Variants in CCDC47 observed in about 807,000 individuals in gnomAD.
CCDC47 encodes the protein coiled-coil domain containing 47.
In CCDC47, 41 loss-of-function variants were observed where a neutral mutation model predicts 60.5. The observed-to-expected ratio is 0.68, with a 90% CI of 0.53 to 0.88. CCDC47 has a LOEUF of 0.88. CCDC47 is among the 40% of genes least tolerant of loss of function. The pLI is 0.00. For missense variants in CCDC47, 513 were observed against 580.9 expected (o/e 0.88, Z 1.20); for synonymous variants, 195 against 190.7 (o/e 1.02, Z -0.18).
In CCDC47 at chr17:63,752,324, C is replaced by G. The variant is rs2039173084; in HGVS notation, c.1199G>C (p.Arg400Thr). 6.2e-7 allele frequency: 1 copy of G among 1,609,140 alleles called. No homozygotes were observed. The highest frequency in any genetic ancestry group is 1.7e-5 in the Admixed American group (1 of 59,842). ...AATACAGGCATTGGGTCTTACTTCT[C>G]TGTTGAGTCGGAACTTTTTGGCTTT... ...IDKAKKFRLN[R>T]EGKQKADKNR... Residue 400 changes from arginine (R) to threonine (T), a missense_variant, in exon 11 of 13, where the codon AGA becomes ACA. Coordinates refer to ENST00000225726, the MANE Select transcript of CCDC47 (RefSeq NM_020198.3).
intron 8 of CCDC47, chr17:63,755,345 T>A: frequency 1.0e-6 from 1 of 976,414 alleles, no homozygotes; most frequent in Non-Finnish European, 1.2e-6. Context: ...CCAGGCTGGG[T>A]GCAGTGGCTC....
At chr17:63,761,997 A>G (rs1000319456) in intron 4 of CCDC47, 3 of 837,414 alleles carry the variant, frequency 3.6e-6, no homozygotes, top group African/African-American at 1.8e-5. Context: ...AAAAACTCCT[A>G]TGGAGTGAAT....
At chr17:63,770,754 T>C (rs550313238) in intron 1 of CCDC47, among the ~76,000 whole-genome samples, 78 of 151,776 alleles carry the variant, frequency 5.1e-4, no homozygotes, top group African/African-American at 1.8e-3. Context: ...GGGAGGCCAA[T>C]ACGGGCAGAT....
At chr17:63,760,736 G>A (rs942114441) in intron 6 of CCDC47, among the ~76,000 whole-genome samples, 178 bp downstream of exon 6, 7 of 151,874 alleles carry the variant, frequency 4.6e-5, no homozygotes, top group African/African-American at 1.7e-4. Context: ...CTACTTGGGA[G>A]GCTGAGGCAG....
chr17:63,761,429 C>T, intron 4 of CCDC47, 78 bp from the exon 5 acceptor site: 8 of 1,548,484 alleles, frequency 5.2e-6, no homozygotes, highest in Non-Finnish European at 7.1e-6. Context: ...CGCCTATAAT[C>T]CCAGCACTTT....
chr17:63,747,096 CCA>C, intron 12 of CCDC47, 135 bp from the exon 13 acceptor site: 1 of 1,384,668 alleles, frequency 7.2e-7, no homozygotes. Flanking sequence ...TAGGCTTGCA[CCA>C]TAACATTCTA....
chr17:63,750,833 C>T (rs1227744313), intron 12 of CCDC47, among the ~76,000 whole-genome samples: 3 of 151,736 alleles, frequency 2.0e-5, no homozygotes, highest in Admixed American at 1.3e-4. Context: ...GTGATCCTCC[C>T]GCCTCAGCCT....
chr17:63,764,801 C>G lies in CCDC47; in HGVS notation c.311G>C (p.Gly104Ala). ...AGAAGTATCTGGTTTGTCTTCATAA[C>G]CTTCAAATTCTTCATCATCATATGG... ...SEPYDDEEFEGYEDKPDTSSS... is the reference protein window; with the variant it reads ...SEPYDDEEFEAYEDKPDTSSS... Residue 104 changes from glycine (G) to alanine (A), a missense_variant, in exon 3 of 13, where the codon GGT (glycine) becomes GCT (alanine). Transcript: ENST00000225726. The G allele has an allele frequency of 6.2e-7, 1 of 1,613,390 alleles. No homozygotes were observed. The highest frequency in any genetic ancestry group is 8.5e-7 in the Non-Finnish European group (1 of 1,179,850).
intron 2 of CCDC47, 194 bp from the exon 3 acceptor site, chr17:63,765,041 T>G (rs1426035014): frequency 3.0e-5 from 25 of 827,934 alleles, no homozygotes; most frequent in Admixed American, 6.2e-5. Flanking sequence ...AGACCTAATG[T>G]GCAGCAAGGT....
Position 63,761,324 on chromosome 17 carries a change from G to A in CCDC47, c.575C>T (p.Thr192Ile), listed in dbSNP as rs760174483. 6.2e-7 allele frequency: 1 copy of A among 1,614,020 alleles called. No individual in the cohort carries two copies. ...CTCCTGGTTCAACTTTCCTGTGCTT[G>A]TGGCTTCTTTGTTAGTTCCATCATC... Reference protein sequence around the residue: ...VGDDGTNKEATSTGKLNQENE... With the variant: ...VGDDGTNKEAISTGKLNQENE... The change falls in exon 5 of 13, where the codon ACA becomes ATA. Residue 192 changes from threonine to isoleucine, a missense_variant. Physicochemically the swap from Thr to Ile is moderately conservative, Grantham distance 89. Coordinates refer to ENST00000225726, the MANE Select transcript of CCDC47 (RefSeq NM_020198.3).
chr17:63,767,974 A>C (rs2039309265), intron 1 of CCDC47, among the ~76,000 whole-genome samples: 2 of 152,118 alleles, frequency 1.3e-5, no homozygotes. Flanking sequence ...AGCCACTACA[A>C]GTTACCCCCA....
chr17:63,763,797 C>G (rs1303488378), intron 4 of CCDC47, among the ~76,000 whole-genome samples: 1 of 151,298 alleles, frequency 6.6e-6, no homozygotes, highest in Non-Finnish European at 1.5e-5. Flanking sequence ...GCACTCCAGC[C>G]TGGTGACAGA....
rs566846512 is a variant in CCDC47 at position 63,751,884 on chromosome 17, C to T, written c.1371+56G>A. ...AAGATTACCTTAACAACCAACAGAACACAAGCAGTCATCCTTACAAATCGT... is the reference window on the plus strand; with the variant it reads ...AAGATTACCTTAACAACCAACAGAATACAAGCAGTCATCCTTACAAATCGT... On this transcript the variant is annotated intron_variant, in intron 12 of 12. Transcript: ENST00000225726. 2.8e-5 allele frequency: 44 copies of T among 1,583,676 alleles called. No individual in the cohort carries two copies. In the African/African-American group the frequency reaches 3.2e-4, roughly 12 times the overall value.
intron 5 of CCDC47, 61 bp downstream of exon 5, chr17:63,761,169 G>C (rs2039256268): frequency 6.3e-7 from 1 of 1,598,708 alleles, no homozygotes; most frequent in Admixed American, 1.7e-5. Context: ...TGGGGGGCTG[G>C]GAATCACAAC....
Position 63,745,347 on chromosome 17 carries a change from T to C in CCDC47, c.*1534A>G, listed in dbSNP as rs2144460194. On this transcript the variant is annotated 3_prime_UTR_variant, in exon 13 of 13. Transcript: ENST00000225726. ...GCCATGGTCCAAATGTATGGGACTTTAGGAAAGCTTTTCTTACTCAAAAGA... is the reference window on the plus strand; with the variant it reads ...GCCATGGTCCAAATGTATGGGACTTCAGGAAAGCTTTTCTTACTCAAAAGA... 1 of 152,754 alleles carries C rather than the reference T, an allele frequency of 6.5e-6. No individual in the cohort carries two copies. The highest frequency in any genetic ancestry group is 2.1e-4 in the South Asian group (1 of 4,828). 9.5% of individuals were successfully genotyped at this position (152,754 alleles called of 1,614,324 possible).
At chr17:63,769,701 A>G in intron 1 of CCDC47, among the ~76,000 whole-genome samples, 1 of 152,016 alleles carries the variant, frequency 6.6e-6, no homozygotes, top group East Asian at 1.9e-4. Flanking sequence ...TCCCTGAGGC[A>G]CAACGGAAGA....
At chr17:63,770,306 C>T (rs919727035) in intron 1 of CCDC47, among the ~76,000 whole-genome samples, 5 of 151,790 alleles carry the variant, frequency 3.3e-5, no homozygotes, top group African/African-American at 1.2e-4. Context: ...ACTTTTGTCA[C>T]TAGAGAAGAG....
At position 63,751,958 on chromosome 17, in the gene CCDC47, C is replaced by G; in HGVS notation, c.1353G>C (p.Glu451Asp). 6.2e-7 allele frequency: 1 copy of G among 1,613,816 alleles called. No individual in the cohort carries two copies. The stretch of plus-strand genomic sequence containing the variant: ...GTCTAACCTCCAGCCTGCGCTGTTT[C>G]TCAGGATCTTCCTCATTCATGATTC... ...KERIMNEEDP[E>D]KQRRLEEAAL... The change falls in exon 12 of 13, where the codon GAG becomes GAC. Residue 451 changes from glutamate to aspartate, a missense_variant. Coordinates refer to ENST00000225726, the MANE Select transcript of CCDC47 (RefSeq NM_020198.3).
rs976728792 is a variant in CCDC47 at position 63,746,238 on chromosome 17, T to C, written c.*643A>G. The C allele has an allele frequency of 2.0e-5, 3 of 152,256 alleles. No individual in the cohort carries two copies. Among genetic ancestry groups the C allele is most frequent in the African/African-American group, 4.8e-5 (2 of 41,466 alleles). The allele number at this position is 152,256 out of a possible 1,614,324, so 9.4% of individuals were successfully genotyped here. On this transcript the variant is annotated 3_prime_UTR_variant, in exon 13 of 13. Coordinates refer to ENST00000225726, the MANE Select transcript of CCDC47 (RefSeq NM_020198.3). ...ATGCTCCTGTCCCTAGAATTTTCCA[T>C]GTACATGTCAGTATCCTAATGCCTA...
Sources: gnomAD v4.1 joint callset for allele counts (sites outside exome capture counted in the v4.1 genomes callset) on GRCh38, gnomAD v4.1.1 for gene constraint, MANE v1.5 for transcripts, NCBI Gene and HGNC (gene_info 2026-07-23, HGNC 2026-07-21) for gene names.